XKR4: variants seen among roughly 807,000 people sequenced by gnomAD.
XKR4 encodes the protein XK-related protein 4.
A neutral mutation model predicts 53.9 loss-of-function variants in XKR4; 12 were observed. The ratio of observed to expected loss-of-function variants is 0.22; its 90% CI spans 0.14 to 0.36. The LOEUF is 0.36. Ranked by LOEUF, XKR4 falls within the 10% of genes least tolerant of loss-of-function variation. The pLI is 1.00. For missense variants in XKR4, 799 were observed against 859.5 expected (o/e 0.93, Z 0.88); for synonymous variants, 354 against 362.4 (o/e 0.98, Z 0.26).
intron 1 of XKR4, among the ~76,000 whole-genome samples, chr8:55,238,226 A>G (rs1304396327): frequency 1.3e-5 from 2 of 152,214 alleles, no homozygotes; most frequent in African/African-American, 2.4e-5. Context: ...CAAGAGGCCA[A>G]TGATACCATT....
intron 1 of XKR4, among the ~76,000 whole-genome samples, chr8:55,304,600 T>C (rs904033496): frequency 1.3e-5 from 2 of 152,206 alleles, no homozygotes; most frequent in African/African-American, 4.8e-5. Flanking sequence ...AGTGGGGTGT[T>C]AAAGTCTCCC....
At chr8:55,240,265 A>G (rs1818191172) in intron 1 of XKR4, among the ~76,000 whole-genome samples, 1 of 152,276 alleles carries the variant, frequency 6.6e-6, no homozygotes, top group South Asian at 2.1e-4. Context: ...TTAAAAAAAT[A>G]TAAAAACACA....
intron 1 of XKR4, among the ~76,000 whole-genome samples, chr8:55,245,335 C>T (rs1818271073): frequency 6.6e-6 from 1 of 152,016 alleles, no homozygotes; most frequent in African/African-American, 2.4e-5. Context: ...AGGTTGTTTA[C>T]TCTGTTTCTT....
At chr8:55,249,794 A>G (rs1818340113) in intron 1 of XKR4, among the ~76,000 whole-genome samples, 1 of 152,198 alleles carries the variant, frequency 6.6e-6, no homozygotes, top group Non-Finnish European at 1.5e-5. Flanking sequence ...TGTGGAATTA[A>G]TGTGTCAACT....
chr8:55,488,229 C>A (rs1166024117), intron 2 of XKR4, among the ~76,000 whole-genome samples: 1 of 152,092 alleles, frequency 6.6e-6, no homozygotes, highest in Non-Finnish European at 1.5e-5. Context: ...GATGAGGATG[C>A]GGGGCAACAG....
chr8:55,347,370 T>C (rs754885709), intron 1 of XKR4, among the ~76,000 whole-genome samples: 1 of 149,636 alleles, frequency 6.7e-6, no homozygotes, highest in African/African-American at 2.4e-5. Context: ...GGGTTACATA[T>C]AGGTGTCCGT....
intron 1 of XKR4, among the ~76,000 whole-genome samples, chr8:55,207,855 C>A (rs1419662225): frequency 6.6e-6 from 1 of 152,102 alleles, no homozygotes; most frequent in South Asian, 2.1e-4. Context: ...GGTGTCTAGA[C>A]CTCACCTCCA....
intron 1 of XKR4, among the ~76,000 whole-genome samples, chr8:55,297,021 TG>T (rs1819110767): frequency 6.6e-6 from 1 of 152,192 alleles, no homozygotes; most frequent in African/African-American, 2.4e-5. Context: ...AAAATAGAGA[TG>T]TTGACTTAGA....
chr8:55,305,377 A>C (rs1239269461), intron 1 of XKR4, among the ~76,000 whole-genome samples: 10 of 152,042 alleles, frequency 6.6e-5, no homozygotes, highest in Non-Finnish European at 2.9e-5. Context: ...TGGACACCTG[A>C]TTGCTCTAGG....
At chr8:55,183,432 T>G (rs1044918729) in intron 1 of XKR4, among the ~76,000 whole-genome samples, 48 of 151,990 alleles carry the variant, frequency 3.2e-4, no homozygotes, top group African/African-American at 1.2e-3. Flanking sequence ...TGTATGTTCA[T>G]TGTTCATTTT....
chr8:55,506,196 G>C (rs1806524986), intron 2 of XKR4, among the ~76,000 whole-genome samples: 1 of 152,206 alleles, frequency 6.6e-6, no homozygotes, highest in Non-Finnish European at 1.5e-5. Context: ...TAAACAACAG[G>C]TGTTTTCTCT....
chr8:55,103,543 C>T (rs1816090013), intron 1 of XKR4, among the ~76,000 whole-genome samples: 1 of 152,030 alleles, frequency 6.6e-6, no homozygotes, highest in Non-Finnish European at 1.5e-5. Context: ...CTTCTGTCTT[C>T]CCACTCTGCC....
At chr8:55,414,213 G>A (rs531891018) in intron 2 of XKR4, among the ~76,000 whole-genome samples, 47 of 152,256 alleles carry the variant, frequency 3.1e-4, no homozygotes, top group African/African-American at 1.1e-3. Flanking sequence ...ATATTAAATA[G>A]AGGCCTTGTC....
chr8:55,279,280 C>G (rs1008209565), intron 1 of XKR4, among the ~76,000 whole-genome samples: 3 of 152,152 alleles, frequency 2.0e-5, no homozygotes, highest in African/African-American at 7.2e-5. Context: ...TGGGGCTCAG[C>G]TCCAGCTTCT....
intron 2 of XKR4, among the ~76,000 whole-genome samples, chr8:55,509,473 C>T (rs1806590621): frequency 6.6e-6 from 1 of 152,084 alleles, no homozygotes; most frequent in Admixed American, 6.5e-5. Flanking sequence ...TAGGCCTTCC[C>T]AAACAGAATT....
At chr8:55,342,833 T>G (rs973742263) in intron 1 of XKR4, among the ~76,000 whole-genome samples, 9 of 152,240 alleles carry the variant, frequency 5.9e-5, no homozygotes, top group Admixed American at 5.9e-4. Context: ...CATAAACTTG[T>G]ATATTTTATC....
intron 2 of XKR4, among the ~76,000 whole-genome samples, chr8:55,386,891 A>G (rs1804326383): frequency 6.6e-6 from 1 of 152,242 alleles, no homozygotes; most frequent in Admixed American, 6.5e-5. Context: ...TAAAAAATCC[A>G]GATCTGATAC....
intron 1 of XKR4, among the ~76,000 whole-genome samples, chr8:55,159,336 A>C (rs1278256993): frequency 6.6e-6 from 1 of 152,222 alleles, no homozygotes; most frequent in African/African-American, 2.4e-5. Context: ...TGAACAAAGC[A>C]AACATCCCTG....
intron 2 of XKR4, among the ~76,000 whole-genome samples, chr8:55,465,265 C>A (rs1477166567): frequency 6.6e-6 from 1 of 152,126 alleles, no homozygotes; most frequent in Non-Finnish European, 1.5e-5. Context: ...ACCAAAACAG[C>A]ATGGTACTGG....
Sources: gnomAD v4.1 joint callset for allele counts (sites outside exome capture counted in the v4.1 genomes callset) on GRCh38, gnomAD v4.1.1 for gene constraint, MANE v1.5 for transcripts, NCBI Gene and HGNC (gene_info 2026-07-23, HGNC 2026-07-21) for gene names.